The following XKR5 variants were observed in gnomAD, a reference collection of about 807,000 sequenced individuals.
XKR5 encodes the protein XK-related protein 5.
Under a neutral mutation model 40.8 loss-of-function variants are expected in XKR5, and 46 were observed. The ratio of observed to expected loss-of-function variants is 1.13; its 90% CI spans 0.89 to 1.44. XKR5 has a LOEUF of 1.44. Among genes scored for constraint, XKR5 ranks in the 40% most tolerant of loss-of-function variants. The probability of loss-of-function intolerance (pLI) is 0.00; values close to 1 mark genes in which losing one functional copy is unlikely to be tolerated. For missense variants in XKR5, 1,169 were observed against 844.7 expected (o/e 1.38, Z -4.76); for synonymous variants, 466 against 356.1 (o/e 1.31, Z -3.48).
In XKR5 at chr8:6,834,948, C is replaced by T. The variant is rs529730923; in HGVS notation, c.58+488G>A. Among the ~76,000 whole-genome samples the T allele has an allele frequency of 3.0e-3, 454 of 152,318 alleles. 1 individual carries two copies. Among genetic ancestry groups the T allele is most frequent in the African/African-American group, 0.01 (434 of 41,586 alleles). On this transcript the variant is annotated intron_variant, in intron 1 of 6. Coordinates refer to ENST00000618742, the MANE Select transcript of XKR5 (RefSeq NM_207411.5). ...ATGCGGAGCCCTGTCCCCCTCCCCC[C>T]GCCACCCCTTCTGCGAGCGGCCTCC...
At chr8:6,834,338 G>T (rs1359688735) in intron 1 of XKR5, among the ~76,000 whole-genome samples, 1 of 152,232 alleles carries the variant, frequency 6.6e-6, no homozygotes, top group Non-Finnish European at 1.5e-5. Flanking sequence ...CGCGGGGTCC[G>T]GGCTCAGGCA....
At chr8:6,834,755 T>C (rs1804934481) in intron 1 of XKR5, among the ~76,000 whole-genome samples, 1 of 144,734 alleles carries the variant, frequency 6.9e-6, no homozygotes. Flanking sequence ...CTCCCGGCAC[T>C]GAAGGAGTTA....
Position 6,812,344 on chromosome 8 carries a change from A to G in XKR5, c.920-5T>C. On this transcript the variant is annotated splice_polypyrimidine_tract_variant and splice_region_variant and intron_variant, in intron 6 of 6. Transcript: ENST00000618742. ...AAATTACCAGTGAGACACTGCCTGA[A>G]AAAGAACAAAAAGACCACAAGGTTA... is the stretch of plus-strand genomic sequence containing the variant. 25 of 1,531,874 alleles carry G rather than the reference A, an allele frequency of 1.6e-5. No individual in the cohort carries two copies. The highest frequency in any genetic ancestry group is 2.2e-5 in the Non-Finnish European group (25 of 1,138,492). The allele number at this position is 1,531,874 out of a possible 1,614,324, so 94.9% of individuals were successfully genotyped here.
At chr8:6,820,498 T>C (rs1039768780) in intron 5 of XKR5, among the ~76,000 whole-genome samples, 5 of 152,244 alleles carry the variant, frequency 3.3e-5, no homozygotes, top group African/African-American at 1.2e-4. Flanking sequence ...CTCCTCCTTA[T>C]TGAGCTCCTG....
intron 2 of XKR5, among the ~76,000 whole-genome samples, chr8:6,825,729 A>T (rs1333605353): frequency 6.6e-6 from 1 of 152,160 alleles, no homozygotes; most frequent in Non-Finnish European, 1.5e-5. Context: ...ATTTATCGAC[A>T]GATGTCTGTT....
chr8:6,820,783 G>A (rs1804197034), intron 5 of XKR5, among the ~76,000 whole-genome samples: 1 of 152,150 alleles, frequency 6.6e-6, no homozygotes, highest in Non-Finnish European at 1.5e-5. Context: ...TATAGCCTGT[G>A]GGGTCACTGT....
chr8:6,835,324 G>T, intron 1 of XKR5, 112 bp downstream of exon 1: 1 of 1,128,542 alleles, frequency 8.9e-7, no homozygotes, highest in Non-Finnish European at 1.2e-6. Context: ...CGCAGTGCTG[G>T]GCGCAGGCTG....
intron 5 of XKR5, among the ~76,000 whole-genome samples, chr8:6,819,654 T>G (rs944653728): frequency 5.3e-5 from 8 of 152,232 alleles, no homozygotes; most frequent in Non-Finnish European, 8.8e-5. Flanking sequence ...CATGTCCACC[T>G]GTCATCTCCG....
intron 5 of XKR5, among the ~76,000 whole-genome samples, chr8:6,819,965 C>T (rs1307220759): frequency 6.6e-6 from 1 of 150,688 alleles, no homozygotes; most frequent in African/African-American, 2.4e-5. Context: ...ATTTATCTTT[C>T]AGAGCATCTA....
intron 2 of XKR5, among the ~76,000 whole-genome samples, chr8:6,828,959 T>C (rs1485498687): frequency 6.6e-6 from 1 of 152,184 alleles, no homozygotes; most frequent in Admixed American, 6.5e-5. Context: ...ACACCACTTC[T>C]GGCACGCATC....
Position 6,812,222 on chromosome 8 carries a change from T to C in XKR5, c.1037A>G (p.Asp346Gly), listed in dbSNP as rs1255248397. 1 of 1,552,006 alleles carries C rather than the reference T, an allele frequency of 6.4e-7. No homozygotes were observed. The highest frequency in any genetic ancestry group is 2.4e-5 in the East Asian group (1 of 40,956). The change falls in exon 7 of 7, where the codon GAT (aspartate) becomes GGT (glycine). Residue 346 changes from aspartate to glycine, a missense_variant. Coordinates refer to ENST00000618742, the MANE Select transcript of XKR5 (RefSeq NM_207411.5). ...IAGGDKTERR[D>G]SPRATDLAGK... ...AGCTAGATCTGTGGCCCGGGGAGAA[T>C]CTCTTCTCTCTGTTTTATCACCTCC...
At chr8:6,818,115 A>T (rs1554526054) in intron 5 of XKR5, among the ~76,000 whole-genome samples, 1 of 152,278 alleles carries the variant, frequency 6.6e-6, no homozygotes, top group South Asian at 2.1e-4. Flanking sequence ...CACTCAGTGC[A>T]ATCTGTTTTC....
intron 1 of XKR5, among the ~76,000 whole-genome samples, chr8:6,834,010 C>A (rs1195029529): frequency 6.6e-6 from 1 of 152,190 alleles, no homozygotes. Flanking sequence ...TAACTCCGCA[C>A]TACGAAACCG....
chr8:6,811,876 G>T lies in XKR5; in HGVS notation c.1383C>A (p.Asp461Glu), dbSNP rs1359493201. Reference sequence around the variant, plus strand: ...CAGAGCTGTTCTCTAAGGTTGAGGGGTCACGGGATGAGGATGGGAGCTCTT... The same window carrying T: ...CAGAGCTGTTCTCTAAGGTTGAGGGTTCACGGGATGAGGATGGGAGCTCTT... ...AQQELPSSSR[D>E]PSTLENSSAF... The change falls in exon 7 of 7, where the codon GAC becomes GAA. Residue 461 changes from aspartate (D) to glutamate (E), a missense_variant. Coordinates refer to ENST00000618742, the MANE Select transcript of XKR5 (RefSeq NM_207411.5). The T allele has an allele frequency of 1.3e-6, 2 of 1,537,538 alleles. No homozygotes were observed. Among genetic ancestry groups the T allele is most frequent in the East Asian group, 2.4e-5 (1 of 40,914 alleles).
At chr8:6,821,165 GT>G (rs142689756) in intron 5 of XKR5, among the ~76,000 whole-genome samples, 1 of 152,138 alleles carries the variant, frequency 6.6e-6, no homozygotes, top group East Asian at 1.9e-4. Flanking sequence ...TCCAGTGCAA[GT>G]TTTTTCTGAC....
At chr8:6,816,114 T>C (rs976753858) in intron 5 of XKR5, among the ~76,000 whole-genome samples, 196 bp from the exon 6 acceptor site, 1 of 151,934 alleles carries the variant, frequency 6.6e-6, no homozygotes, top group Non-Finnish European at 1.5e-5. Flanking sequence ...GCCACCCTGT[T>C]CTCAGGGTGG....
At position 6,811,122 on chromosome 8, in the gene XKR5, T is replaced by A; in HGVS notation, c.*76A>T. 7.2e-7 allele frequency: 1 copy of A among 1,385,532 alleles called. No homozygotes were observed. The highest frequency in any genetic ancestry group is 1.5e-5 in the South Asian group (1 of 68,628). 85.8% of individuals were successfully genotyped at this position (1,385,532 alleles called of 1,614,324 possible). ...TGCCCAAGGACACAGGTGTCAGAAG[T>A]GGGATTTCCTTTCTCACGGTACCAA... On this transcript the variant is annotated 3_prime_UTR_variant, in exon 7 of 7. Coordinates refer to ENST00000618742, the MANE Select transcript of XKR5 (RefSeq NM_207411.5).
intron 2 of XKR5, among the ~76,000 whole-genome samples, chr8:6,825,582 GGTACCCCA>G (rs1284611112): frequency 2.0e-5 from 3 of 151,632 alleles, no homozygotes; most frequent in African/African-American, 7.3e-5. Context: ...CCCCACGTCT[GGTACCCCA>G]GTACCTGACC....
At chr8:6,818,985 TGAGCTGTGA>T (rs1804093725) in intron 5 of XKR5, among the ~76,000 whole-genome samples, 1 of 152,240 alleles carries the variant, frequency 6.6e-6, no homozygotes, top group South Asian at 2.1e-4. Flanking sequence ...GAGGCTGCAG[TGAGCTGTGA>T]TCACACTGCT....
Sources: allele counts gnomAD v4.1 joint callset (sites outside exome capture counted in the v4.1 genomes callset), GRCh38; gene constraint gnomAD v4.1.1; transcripts MANE v1.5; gene names NCBI Gene and HGNC (gene_info 2026-07-23, HGNC 2026-07-21).